The following TBCK variants were observed in gnomAD, a reference collection of about 807,000 sequenced individuals.
TBCK encodes TBC1 domain containing kinase.
TBCK carries 99 observed loss-of-function variants against 113.4 expected under a neutral mutation model. That is an observed-to-expected ratio of 0.87 (90% CI 0.74 to 1.03). The LOEUF (loss-of-function observed/expected upper bound fraction) is 1.03. TBCK is among the 50% of genes least tolerant of loss of function. The probability of loss-of-function intolerance (pLI) is 0.00; values close to 1 mark genes in which losing one functional copy is unlikely to be tolerated. For synonymous variants in TBCK, 369 were observed against 370.8 expected (o/e 1.00, Z 0.05); for missense variants, 1,045 against 1,061.3 (o/e 0.98, Z 0.21).
At chr4:106,077,306 A>C (rs760621465) in intron 25 of TBCK, among the ~76,000 whole-genome samples, 3 of 152,216 alleles carry the variant, frequency 2.0e-5, no homozygotes, top group Non-Finnish European at 2.9e-5. Flanking sequence ...GATAAGACCA[A>C]ATCCTCACAT....
At chr4:106,109,379 A>G (rs1020337668) in intron 24 of TBCK, among the ~76,000 whole-genome samples, 4 of 152,188 alleles carry the variant, frequency 2.6e-5, no homozygotes, top group Non-Finnish European at 4.4e-5. Flanking sequence ...AAACTACACT[A>G]TAAGGCCACA....
intron 12 of TBCK, among the ~76,000 whole-genome samples, chr4:106,241,479 C>T (rs1760132929): frequency 6.6e-6 from 1 of 151,876 alleles, no homozygotes; most frequent in African/African-American, 2.4e-5. Context: ...TCTTCCCTTG[C>T]TAGATATCAA....
intron 25 of TBCK, among the ~76,000 whole-genome samples, chr4:106,062,658 T>C (rs888436017): frequency 6.6e-6 from 1 of 151,890 alleles, no homozygotes; most frequent in Non-Finnish European, 1.5e-5. Context: ...GCCACAGACA[T>C]TCCTGTGGTA....
At chr4:106,053,831 T>C (rs906235590) in intron 25 of TBCK, among the ~76,000 whole-genome samples, 5 of 151,732 alleles carry the variant, frequency 3.3e-5, no homozygotes, top group African/African-American at 1.2e-4. Context: ...AATTTCAGTC[T>C]TCTAGTTATC....
intron 23 of TBCK, among the ~76,000 whole-genome samples, chr4:106,127,726 G>A (rs1225486116): frequency 1.3e-5 from 2 of 151,858 alleles, no homozygotes; most frequent in Admixed American, 6.6e-5. Context: ...AACCTCAATA[G>A]GCCTTTTTAA....
intron 23 of TBCK, among the ~76,000 whole-genome samples, chr4:106,145,020 C>CA (rs34322527): frequency 0.23 from 20,199 of 88,334 alleles, 1,815 homozygotes; most frequent in South Asian, 0.29. Context: ...AACTCCGTGT[C>CA]AAAAAAAAAA....
At chr4:106,113,801 C>G (rs1743147819) in intron 24 of TBCK, among the ~76,000 whole-genome samples, 1 of 152,160 alleles carries the variant, frequency 6.6e-6, no homozygotes, top group African/African-American at 2.4e-5. Context: ...CTTTTTAATT[C>G]TTTCACTTTA....
At chr4:106,154,367 C>T (rs1748880101) in intron 23 of TBCK, among the ~76,000 whole-genome samples, 1 of 152,098 alleles carries the variant, frequency 6.6e-6, no homozygotes, top group Non-Finnish European at 1.5e-5. Context: ...AGTTCCCCTA[C>T]TTTTTAGCTT....
intron 20 of TBCK, among the ~76,000 whole-genome samples, chr4:106,204,033 GTTC>G (rs1453352602): frequency 2.6e-5 from 4 of 152,034 alleles, no homozygotes; most frequent in Non-Finnish European, 5.9e-5. Flanking sequence ...GTAATATAAT[GTTC>G]TTCTAAATAT....
chr4:106,316,426 G>A, upstream of TBCK: 1 of 984,390 alleles, frequency 1.0e-6, no homozygotes, highest in Non-Finnish European at 1.6e-6. Flanking sequence ...AGGTTAATGG[G>A]ACTGAGCACA....
intron 20 of TBCK, among the ~76,000 whole-genome samples, chr4:106,199,489 G>A (rs977307212): frequency 2.6e-5 from 4 of 151,926 alleles, no homozygotes; most frequent in Admixed American, 2.6e-4. Context: ...TGTAGTTTGA[G>A]GACCCTATTT....
intron 22 of TBCK, among the ~76,000 whole-genome samples, chr4:106,185,941 A>T (rs901701108): frequency 6.6e-6 from 1 of 151,892 alleles, no homozygotes; most frequent in African/African-American, 2.4e-5. Flanking sequence ...GTCCATGTGC[A>T]CTCAATGTTT....
intron 23 of TBCK, among the ~76,000 whole-genome samples, 164 bp from the exon 24 acceptor site, chr4:106,116,542 G>C (rs1743531918): frequency 6.6e-6 from 1 of 152,130 alleles, no homozygotes; most frequent in Non-Finnish European, 1.5e-5. Context: ...CCAACCCCCA[G>C]GCCATGGACT....
intron 24 of TBCK, among the ~76,000 whole-genome samples, chr4:106,109,823 C>T (rs1378385802): frequency 6.6e-6 from 1 of 152,094 alleles, no homozygotes; most frequent in African/African-American, 2.4e-5. Context: ...AAACTATCAA[C>T]AGAGTAAACA....
chr4:106,164,239 G>T (rs1434545005), intron 23 of TBCK, among the ~76,000 whole-genome samples: 1 of 151,878 alleles, frequency 6.6e-6, no homozygotes, highest in East Asian at 1.9e-4. Flanking sequence ...CCAGTAAAAA[G>T]AACAGATGCA....
chr4:106,133,670 C>G (rs1746219814), intron 23 of TBCK, among the ~76,000 whole-genome samples: 1 of 152,164 alleles, frequency 6.6e-6, no homozygotes, highest in Non-Finnish European at 1.5e-5. Context: ...TCTACATTTT[C>G]ACAAAACATA....
intron 20 of TBCK, among the ~76,000 whole-genome samples, chr4:106,210,444 T>C (rs1755993510): frequency 6.6e-6 from 1 of 152,192 alleles, no homozygotes. Flanking sequence ...TTTCTGCCTG[T>C]ATCCAGAAAA....
chr4:106,089,213 A>T (rs1014894074), intron 25 of TBCK, among the ~76,000 whole-genome samples: 1 of 152,090 alleles, frequency 6.6e-6, no homozygotes, highest in African/African-American at 2.4e-5. Flanking sequence ...GAGAGAGAGG[A>T]GGTGGAGCCA....
chr4:106,205,002 T>A (rs900934307), intron 20 of TBCK, among the ~76,000 whole-genome samples: 1 of 151,536 alleles, frequency 6.6e-6, no homozygotes, highest in Non-Finnish European at 1.5e-5. Flanking sequence ...CCTGACCTCA[T>A]GATCCACCCG....
Sources: allele counts gnomAD v4.1 joint callset (sites outside exome capture counted in the v4.1 genomes callset), GRCh38; gene constraint gnomAD v4.1.1; transcripts MANE v1.5; gene names NCBI Gene and HGNC (gene_info 2026-07-23, HGNC 2026-07-21).